ARMCX4: variants seen among roughly 807,000 people sequenced by gnomAD.
ARMCX4 encodes armadillo repeat-containing X-linked protein 4.
In ARMCX4, 3 loss-of-function variants were observed where a neutral mutation model predicts 34.7. The observed-to-expected ratio is 0.09, with a 90% CI of 0.04 to 0.22. ARMCX4 has a LOEUF of 0.22. Among genes scored for constraint, ARMCX4 ranks in the 10% least tolerant of loss-of-function variants. ARMCX4 has a pLI of 1.00. For synonymous variants in ARMCX4, 513 were observed against 632.8 expected (o/e 0.81, Z 2.84); for missense variants, 1,448 against 1,720.8 (o/e 0.84, Z 2.81).
At chrX:101,475,814 G>A (rs1200075896) in intron 4 of ARMCX4, among the ~76,000 whole-genome samples, 1 of 111,057 alleles carries the variant, frequency 9.0e-6, no homozygotes, top group African/African-American at 3.3e-5. Context: ...TAACACAATC[G>A]TTTATGTAGT....
At position 101,493,127 on chromosome X, in the gene ARMCX4, G is replaced by T; in HGVS notation, c.4538G>T (p.Cys1513Phe). 9 of 1,154,582 alleles carry T rather than the reference G, an allele frequency of 7.8e-6. No individual in the cohort carries two copies. Among genetic ancestry groups the T allele is most frequent in the East Asian group, 3.3e-5 (1 of 30,679 alleles). ...GDQASGWFCV[C>F]PGSQTNGGSW... ...CAGGCCAGTGGATGGTTCTGTGTTTGCCCTGGGAGTCAGACGAATGGAGGG... is the reference window on the plus strand; with the variant it reads ...CAGGCCAGTGGATGGTTCTGTGTTTTCCCTGGGAGTCAGACGAATGGAGGG... Residue 1513 changes from cysteine (C) to phenylalanine (F), a missense_variant, in exon 6 of 6, where the codon TGC becomes TTC. By Grantham distance (205) the Cys-to-Phe change is radical. Around this residue, in one of 2 missense-constraint regions of ARMCX4, gnomAD observed 1,343 missense variants for 1,540.7 expected, o/e 0.87. Coordinates refer to ENST00000423738, the MANE Select transcript of ARMCX4 (RefSeq NM_001256155.3).
intron 5 of ARMCX4, 92 bp downstream of exon 5, chrX:101,488,191 G>A (rs1358895223): frequency 2.2e-5 from 8 of 357,057 alleles, no homozygotes; most frequent in South Asian, 9.9e-5. Context: ...CCCATTTATC[G>A]TCAGACCTCC....
intron 12 of ARMCX4, chrX:101,532,245 T>C (rs143099815): frequency 4.9e-4 from 55 of 111,831 alleles, no homozygotes; most frequent in African/African-American, 1.7e-3. Flanking sequence ...AAAGAAGTCA[T>C]GAAAGCAGTG....
At chrX:101,441,379 G>A (rs1193692659) in intron 2 of ARMCX4, among the ~76,000 whole-genome samples, 2 of 110,295 alleles carry the variant, frequency 1.8e-5, no homozygotes, top group South Asian at 3.9e-4. Context: ...ATGATGGTCC[G>A]CTTGCTGAAT....
At chrX:101,529,990 A>T (rs1556021712) in intron 11 of ARMCX4, among the ~76,000 whole-genome samples, 1 of 111,935 alleles carries the variant, frequency 8.9e-6, no homozygotes, top group Admixed American at 9.5e-5. Context: ...CTGGGTATAT[A>T]CCAAAAGGAT....
chrX:101,533,648 T>A (rs1195116831), downstream of ARMCX4, among the ~76,000 whole-genome samples: 1 of 112,064 alleles, frequency 8.9e-6, no homozygotes, highest in Non-Finnish European at 1.9e-5. Context: ...TAAAGTCAGA[T>A]AACTTCTGGA....
intron 2 of ARMCX4, among the ~76,000 whole-genome samples, chrX:101,428,995 C>G (rs1929810415): frequency 9.2e-6 from 1 of 108,280 alleles, no homozygotes; most frequent in African/African-American, 3.4e-5. Context: ...TCTCAGCCTC[C>G]CGAGTGGCAT....
chrX:101,458,072 C>T (rs1556000590), intron 4 of ARMCX4, among the ~76,000 whole-genome samples: 1 of 111,252 alleles, frequency 9.0e-6, no homozygotes, highest in Non-Finnish European at 1.9e-5. Context: ...GAAAATTTCT[C>T]TCAATAACTG....
In ARMCX4 at chrX:101,490,658, G is replaced by A. The variant is rs1556008535; in HGVS notation, c.2069G>A (p.Gly690Asp). The change falls in exon 6 of 6, where the codon GGT becomes GAT. Residue 690 changes from glycine (G) to aspartate (D), a missense_variant. Physicochemically the swap from Gly to Asp is moderately conservative, Grantham distance 94. Coordinates refer to ENST00000423738, the MANE Select transcript of ARMCX4 (RefSeq NM_001256155.3). Reference sequence around the variant, plus strand: ...CTTGATTCTAAGAATAAGGTCAAGGGTAATTCCAATGCTGTGTCTAAGGCA... The same window carrying A: ...CTTGATTCTAAGAATAAGGTCAAGGATAATTCCAATGCTGTGTCTAAGGCA... ...ALLDSKNKVKGNSNAVSKAGA... is the reference protein window; with the variant it reads ...ALLDSKNKVKDNSNAVSKAGA... 8.7e-7 allele frequency: 1 copy of A among 1,154,745 alleles called. No individual in the cohort carries two copies. The highest frequency in any genetic ancestry group is 1.1e-6 in the Non-Finnish European group (1 of 872,727).
Position 101,490,324 on chromosome X carries a change from G to T in ARMCX4, c.1735G>T (p.Gly579Trp), listed in dbSNP as rs1349909217. 8.7e-7 allele frequency: 1 copy of T among 1,154,565 alleles called. No homozygotes were observed. The highest frequency in any genetic ancestry group is 1.1e-6 in the Non-Finnish European group (1 of 872,394). ...CAATCCTAATGCCACTTCTAAAGCC[G>T]GGACTAAGGCAGACCAGAGGGTCTG... ...RGNPNATSKA[G>W]TKADQRVCGQ... Residue 579 changes from glycine (G) to tryptophan (W), a missense_variant, in exon 6 of 6, where the codon GGG becomes TGG. Physicochemically the swap from Gly to Trp is radical, Grantham distance 184. Around this residue, in one of 2 missense-constraint regions of ARMCX4, gnomAD observed 1,343 missense variants for 1,540.7 expected, o/e 0.87. Transcript: ENST00000423738.
chrX:101,441,018 C>A (rs1335039968), intron 2 of ARMCX4, among the ~76,000 whole-genome samples: 1 of 110,894 alleles, frequency 9.0e-6, no homozygotes, highest in Non-Finnish European at 1.9e-5. Context: ...TGAGATGAAC[C>A]CGGTACCTCA....
chrX:101,488,303 A>G, intron 5 of ARMCX4, 141 bp from the exon 6 acceptor site: 4 of 533,627 alleles, frequency 7.5e-6, no homozygotes, highest in Non-Finnish European at 1.1e-5. Flanking sequence ...AGATGAAATA[A>G]GAGGAATGGA....
At chrX:101,501,113 G>A (rs1388418850) in intron 7 of ARMCX4, among the ~76,000 whole-genome samples, 1 of 112,697 alleles carries the variant, frequency 8.9e-6, no homozygotes, top group Non-Finnish European at 1.9e-5. Flanking sequence ...GAAGTGCACT[G>A]CCTGGTAGGC....
chrX:101,435,169 G>A (rs1555994094), intron 2 of ARMCX4, among the ~76,000 whole-genome samples: 1 of 111,349 alleles, frequency 9.0e-6, no homozygotes, highest in African/African-American at 3.3e-5. Flanking sequence ...GGGATTGCTG[G>A]GTCAAATGGT....
At chrX:101,484,351 G>A (rs918419794), upstream of ARMCX4, among the ~76,000 whole-genome samples, 3 of 112,103 alleles carry the variant, frequency 2.7e-5, no homozygotes, top group African/African-American at 9.7e-5. Context: ...CCAAGCTCTA[G>A]CAGTTGGTTG....
chrX:101,423,792 G>A (rs1929433773), intron 2 of ARMCX4, among the ~76,000 whole-genome samples: 1 of 111,049 alleles, frequency 9.0e-6, no homozygotes, highest in African/African-American at 3.3e-5. Flanking sequence ...GGAGCTGAAG[G>A]TTAAATTGAC....
downstream of ARMCX4, among the ~76,000 whole-genome samples, chrX:101,534,917 C>T (rs1556023139): frequency 9.0e-6 from 1 of 111,556 alleles, no homozygotes; most frequent in African/African-American, 3.2e-5. Context: ...GTATTTTGAG[C>T]GAACTTCTAT....
intron 11 of ARMCX4, among the ~76,000 whole-genome samples, chrX:101,525,457 A>T (rs2147720070): frequency 8.9e-6 from 1 of 112,016 alleles, no homozygotes; most frequent in South Asian, 3.7e-4. Context: ...ATGAAGCGGG[A>T]TGGAGAATGA....
At chrX:101,501,186 G>A (rs1556013536) in intron 7 of ARMCX4, among the ~76,000 whole-genome samples, 1 of 112,358 alleles carries the variant, frequency 8.9e-6, no homozygotes, top group African/African-American at 3.2e-5. Flanking sequence ...CCATATACTG[G>A]GTGACACAAA....
Sources: allele counts gnomAD v4.1 joint callset (sites outside exome capture counted in the v4.1 genomes callset), GRCh38; gene constraint gnomAD v4.1.1; regional missense constraint gnomAD v4.1.1; transcripts MANE v1.5; gene names NCBI Gene and HGNC (gene_info 2026-07-23, HGNC 2026-07-21).